The following FANCD2 variants were observed in gnomAD, a reference collection of about 807,000 sequenced individuals.
FANCD2 encodes Fanconi anemia group D2 protein.
FANCD2 carries 131 observed loss-of-function variants against 192.3 expected under a neutral mutation model. The observed-to-expected ratio is 0.68, with a 90% CI of 0.59 to 0.79. The LOEUF (loss-of-function observed/expected upper bound fraction) is 0.79, where lower values mean the gene tolerates loss of function less well. Ranked by LOEUF, FANCD2 falls within the 30% of genes least tolerant of loss-of-function variation. FANCD2 has a pLI of 0.00. For missense variants in FANCD2, 1,508 were observed against 1,701.6 expected (o/e 0.89, Z 2.00); for synonymous variants, 524 against 612.5 (o/e 0.86, Z 2.13).
intron 29 of FANCD2, 93 bp from the exon 30 acceptor site, chr3:10,077,988 T>G: frequency 3.4e-6 from 3 of 875,316 alleles, no homozygotes; most frequent in Non-Finnish European, 5.9e-6. Flanking sequence ...AGCTATGATC[T>G]TGCCACTGCA....
At chr3:10,087,655 T>C (rs1559403952) in intron 34 of FANCD2, among the ~76,000 whole-genome samples, 2 of 152,132 alleles carry the variant, frequency 1.3e-5, no homozygotes, top group Non-Finnish European at 2.9e-5. Flanking sequence ...CTGGCCTTTT[T>C]CTTTTTTTTT....
In FANCD2 at chr3:10,044,575, A is replaced by G. The variant is rs1050632504; in HGVS notation, c.1134+711A>G. Among the ~76,000 whole-genome samples the G allele has an allele frequency of 1.1e-4, 17 of 152,080 alleles. 2 individuals carry two copies. In the South Asian group the frequency reaches 1.9e-3, roughly 17 times the overall value. On this transcript the variant is annotated intron_variant, in intron 14 of 43. Transcript: ENST00000675286. ...GCACTCCAGCCTGGGCGACAGTGCAAGACTCCATCTCAAAAGATAAAAAGC... is the reference window on the plus strand; with the variant it reads ...GCACTCCAGCCTGGGCGACAGTGCAGGACTCCATCTCAAAAGATAAAAAGC...
chr3:10,053,406 T>C (rs1287812026), intron 18 of FANCD2, among the ~76,000 whole-genome samples: 6 of 151,410 alleles, frequency 4.0e-5, no homozygotes, highest in Non-Finnish European at 5.9e-5. Flanking sequence ...AGGGATAGCA[T>C]TGGGAGATAC....
intron 41 of FANCD2, 28 bp downstream of exon 41, chr3:10,095,302 AGCCT>A: frequency 6.3e-7 from 1 of 1,597,624 alleles, no homozygotes; most frequent in Non-Finnish European, 8.6e-7. Flanking sequence ...TTCTATCAGC[AGCCT>A]GCCTGTTGGC....
chr3:10,029,602 G>C (rs2086540914), intron 2 of FANCD2, among the ~76,000 whole-genome samples: 1 of 152,078 alleles, frequency 6.6e-6, no homozygotes, highest in South Asian at 2.1e-4. Context: ...TATTTTACTA[G>C]GTTTTTTGGG....
intron 22 of FANCD2, 141 bp downstream of exon 22, chr3:10,064,570 C>T: frequency 8.0e-7 from 1 of 1,256,070 alleles, no homozygotes; most frequent in Non-Finnish European, 1.2e-6. Flanking sequence ...AACCCCAGCA[C>T]CCCTGCACCC....
At position 10,099,358 on chromosome 3, in the gene FANCD2, C is replaced by T. The variant is rs540249462; in HGVS notation, c.4281+543C>T. On this transcript the variant is annotated intron_variant, in intron 43 of 43. Coordinates refer to ENST00000675286, the MANE Select transcript of FANCD2 (RefSeq NM_001018115.3). ...TGTAGACATGGCTGGCGCAGTGGCTCATGCTTGTAATCCTAGCACTTTTTG... is the reference window on the plus strand; with the variant it reads ...TGTAGACATGGCTGGCGCAGTGGCTTATGCTTGTAATCCTAGCACTTTTTG... 2.4e-4 allele frequency: 289 copies of T among 1,179,834 alleles called. 2 individuals are homozygous for T. In the East Asian group the frequency reaches 0.011, roughly 45 times the overall value. 73.1% of individuals were successfully genotyped at this position (1,179,834 alleles called of 1,614,324 possible). A position where few individuals can be genotyped will look rare whatever the true frequency, so the allele number is the denominator to read the frequency against.
At chr3:10,098,433 C>T (rs1695106670) in intron 42 of FANCD2, among the ~76,000 whole-genome samples, 1 of 152,004 alleles carries the variant, frequency 6.6e-6, no homozygotes, top group Non-Finnish European at 1.5e-5. Context: ...TCAGCATCGA[C>T]TTAGAGTCAC....
intron 40 of FANCD2, 31 bp downstream of exon 40, chr3:10,094,394 G>A (rs530448315): frequency 3.2e-6 from 5 of 1,568,562 alleles, no homozygotes; most frequent in African/African-American, 2.7e-5. Flanking sequence ...ACAAAGATAT[G>A]CACTGAAGAG....
chr3:10,041,502 C>G lies in FANCD2; in HGVS notation c.696-121C>G, dbSNP rs2086862509. ...TAAAGAAACATACTATAAACGGTAA[C>G]TTAATGGCAACTAAGTATGTCCTTT... On this transcript the variant is annotated intron_variant, in intron 9 of 43. Transcript: ENST00000675286. The G allele has an allele frequency of 2.8e-5, 21 of 746,596 alleles. No individual in the cohort carries two copies. The South Asian group carries it at 3.1e-4, about 11-fold the overall frequency. The allele number at this position is 746,596 out of a possible 1,614,324, so 46.2% of individuals were successfully genotyped here. A position where few individuals can be genotyped will look rare whatever the true frequency, so the allele number is the denominator to read the frequency against.
chr3:10,082,538 C>G (rs756231051), intron 32 of FANCD2, among the ~76,000 whole-genome samples: 1 of 152,128 alleles, frequency 6.6e-6, no homozygotes, highest in Non-Finnish European at 1.5e-5. Flanking sequence ...CCTGCTATTC[C>G]ACTTATTATG....
At chr3:10,100,359 G>T (rs1344236386) in intron 43 of FANCD2, among the ~76,000 whole-genome samples, 1 of 152,148 alleles carries the variant, frequency 6.6e-6, no homozygotes, top group Admixed American at 6.5e-5. Context: ...CTGGATTCCT[G>T]TTGAGATACA....
chr3:10,063,943 A>T (rs1235919296), intron 21 of FANCD2, 32 bp downstream of exon 21: 2 of 1,614,178 alleles, frequency 1.2e-6, no homozygotes, highest in Admixed American at 1.7e-5. Context: ...TAAAGCAATA[A>T]AGCATGAGAG....
intron 37 of FANCD2, among the ~76,000 whole-genome samples, chr3:10,090,666 G>A (rs1694544557): frequency 6.6e-6 from 1 of 151,952 alleles, no homozygotes; most frequent in African/African-American, 2.4e-5. Context: ...CACCATGTTG[G>A]CCAGGCTAGT....
At chr3:10,063,509 T>C (rs1458091136) in intron 20 of FANCD2, among the ~76,000 whole-genome samples, 1 of 152,218 alleles carries the variant, frequency 6.6e-6, no homozygotes, top group Non-Finnish European at 1.5e-5. Flanking sequence ...CATTTTTATT[T>C]CATTCTTTAG....
intron 30 of FANCD2, among the ~76,000 whole-genome samples, chr3:10,078,437 CT>C (rs1693648616): frequency 6.6e-6 from 1 of 151,788 alleles, no homozygotes; most frequent in Non-Finnish European, 1.5e-5. Flanking sequence ...TCACTGCAAG[CT>C]CCGCCTCCCG....
At chr3:10,065,279 ACT>A (rs2087686380) in intron 23 of FANCD2, 113 bp from the exon 24 acceptor site, 1 of 780,788 alleles carries the variant, frequency 1.3e-6, no homozygotes, top group East Asian at 2.5e-5. Flanking sequence ...ACAGAGCAAG[ACT>A]CTGTCTCAAA....
intron 18 of FANCD2, among the ~76,000 whole-genome samples, chr3:10,055,889 G>A (rs1455920249): frequency 1.3e-5 from 2 of 151,920 alleles, no homozygotes; most frequent in African/African-American, 4.8e-5. Context: ...GTTTTATTTT[G>A]TTTTGTTGAG....
In FANCD2 at chr3:10,088,463, C is replaced by CAATTT. The variant is rs1559404503; in HGVS notation, c.3485_3486insTAATT (p.Leu1163AsnfsTer37). 6.2e-7 allele frequency: 1 copy of CAATTT among 1,608,834 alleles called. No homozygotes were observed. Among genetic ancestry groups the CAATTT allele is most frequent in the Non-Finnish European group, 8.5e-7 (1 of 1,175,166 alleles). The stretch of plus-strand genomic sequence containing the variant: ...TTTTCTAACAGCTTCCCTTGCCAGA[C>CAATTT]AATTCCTCTGTCGGGTGTGGCCAAG... On this transcript the variant is annotated frameshift_variant, in exon 35 of 44. Transcript: ENST00000675286. LOFTEE classifies it high-confidence loss of function.
Sources: gnomAD v4.1 joint callset for allele counts (sites outside exome capture counted in the v4.1 genomes callset) on GRCh38, gnomAD v4.1.1 for gene constraint, MANE v1.5 for transcripts, NCBI Gene and HGNC (gene_info 2026-07-23, HGNC 2026-07-21) for gene names.